GSAP: variants seen among roughly 807,000 people sequenced by gnomAD.
The protein encoded by GSAP is gamma-secretase-activating protein.
In GSAP, 118 loss-of-function variants were observed where a neutral mutation model predicts 131.7. The observed-to-expected ratio is 0.90, with a 90% confidence interval of 0.77 to 1.04. The LOEUF (loss-of-function observed/expected upper bound fraction) is 1.04, where lower values mean the gene tolerates loss of function less well. GSAP is among the 50% of genes least tolerant of loss of function. GSAP has a pLI of 0.00. For missense variants in GSAP, 1,019 were observed against 1,013.2 expected (o/e 1.01, Z -0.08); for synonymous variants, 381 against 363.4 (o/e 1.05, Z -0.55).
At chr7:77,349,710 G>A (rs1019846304) in intron 18 of GSAP, among the ~76,000 whole-genome samples, 3 of 152,128 alleles carry the variant, frequency 2.0e-5, no homozygotes, top group Non-Finnish European at 4.4e-5. Flanking sequence ...ATTAAAGAAC[G>A]AATGAGGCAA....
At position 77,312,410 on chromosome 7, in the gene GSAP, A is replaced by G. The variant is rs544736882; in HGVS notation, c.2272-208T>C. Among the ~76,000 whole-genome samples, 11 of 152,260 alleles carry G rather than the reference A, an allele frequency of 7.2e-5. No individual in the cohort carries two copies. The South Asian group carries it at 2.3e-3, about 32-fold the overall frequency. ...TACTCTCTCAAACGCTACATTGAGG[A>G]AAGTGGTTTATACACTGATGTTGCC... On this transcript the variant is annotated intron_variant, in intron 28 of 30. Transcript: ENST00000257626.
Position 77,328,594 on chromosome 7 carries a change from A to G in GSAP, c.1765+12T>C, listed in dbSNP as rs1349467568. On this transcript the variant is annotated intron_variant, in intron 22 of 30. Transcript: ENST00000257626. ...TGGAACCCAGAAGGCTTTATTACAG[A>G]TCTTTTCTTACCCAAATTTCTTGCT... The G allele has an allele frequency of 3.7e-6, 6 of 1,610,960 alleles. No individual in the cohort carries two copies. The South Asian group carries it at 4.4e-5, about 12-fold the overall frequency.
At chr7:77,324,756 GT>G (rs936037394) in intron 23 of GSAP, among the ~76,000 whole-genome samples, 23 of 138,772 alleles carry the variant, frequency 1.7e-4, no homozygotes, top group South Asian at 9.1e-4. Flanking sequence ...TAACAATTGC[GT>G]TTTTTTTTTC....
chr7:77,368,275 T>C lies in GSAP; in HGVS notation c.872-5615A>G, dbSNP rs561699110. Among the ~76,000 whole-genome samples, 7 of 152,324 alleles carry C rather than the reference T, an allele frequency of 4.6e-5. No individual in the cohort carries two copies. The East Asian group carries it at 1.2e-3, about 25-fold the overall frequency. On this transcript the variant is annotated intron_variant, in intron 12 of 30. Transcript: ENST00000257626. ...CAATGTGAACATCTGGATGATTCAG[T>C]TGAAGGCGCTGCATTTACTCGCCCC... is the stretch of plus-strand genomic sequence containing the variant.
At chr7:77,314,188 C>T (rs1361732733) in intron 27 of GSAP, among the ~76,000 whole-genome samples, 182 bp downstream of exon 27, 5 of 152,146 alleles carry the variant, frequency 3.3e-5, no homozygotes, top group African/African-American at 4.8e-5. Flanking sequence ...AAAATGAACA[C>T]GAGCAAGCCC....
intron 12 of GSAP, among the ~76,000 whole-genome samples, chr7:77,371,099 C>CA (rs145724483): frequency 0.015 from 2,231 of 152,238 alleles, 62 homozygotes; most frequent in African/African-American, 0.051. Flanking sequence ...TATTCATTGC[C>CA]AGTCTTGACC....
At chr7:77,405,290 ACT>A (rs970746355) in intron 2 of GSAP, among the ~76,000 whole-genome samples, 1 of 152,026 alleles carries the variant, frequency 6.6e-6, no homozygotes, top group African/African-American at 2.4e-5. Flanking sequence ...ACAGGGCAAG[ACT>A]CTGTTTCTAA....
At chr7:77,405,567 T>C (rs1583916689) in intron 2 of GSAP, among the ~76,000 whole-genome samples, 2 of 152,362 alleles carry the variant, frequency 1.3e-5, no homozygotes, top group East Asian at 3.9e-4. Flanking sequence ...AGACAGGGTT[T>C]CGCTCTGTCA....
intron 5 of GSAP, among the ~76,000 whole-genome samples, chr7:77,395,612 C>T (rs942538022): frequency 2.0e-5 from 3 of 152,002 alleles, no homozygotes; most frequent in African/African-American, 7.2e-5. Context: ...ATGAGCAATA[C>T]AAATGATGAG....
At chr7:77,362,884 G>A (rs1446488609) in intron 12 of GSAP, among the ~76,000 whole-genome samples, 1 of 152,314 alleles carries the variant, frequency 6.6e-6, no homozygotes, top group East Asian at 1.9e-4. Context: ...GCAGGCTATT[G>A]AAGGATAGGA....
intron 6 of GSAP, among the ~76,000 whole-genome samples, chr7:77,384,729 T>C (rs1015875032): frequency 6.6e-6 from 1 of 152,084 alleles, no homozygotes; most frequent in African/African-American, 2.4e-5. Flanking sequence ...AGACTACACA[T>C]GCAGAGTTAG....
At chr7:77,347,793 A>G (rs2150812498) in intron 19 of GSAP, among the ~76,000 whole-genome samples, 1 of 152,278 alleles carries the variant, frequency 6.6e-6, no homozygotes, top group African/African-American at 2.4e-5. Flanking sequence ...CAGTTGGTAC[A>G]TTAGGAACTG....
chr7:77,355,445 A>G lies in GSAP; in HGVS notation c.1121-15T>C. Reference sequence around the variant, plus strand: ...TTCATTATTTCCTGGCAAAAAAAAAAAAAACAGTAGATCAGCAAATAGAAG... The same window carrying G: ...TTCATTATTTCCTGGCAAAAAAAAAGAAAACAGTAGATCAGCAAATAGAAG... On this transcript the variant is annotated splice_polypyrimidine_tract_variant and intron_variant, in intron 15 of 30. Transcript: ENST00000257626. The G allele has an allele frequency of 6.3e-7, 1 of 1,577,358 alleles. No homozygotes were observed. Among genetic ancestry groups the G allele is most frequent in the Non-Finnish European group, 8.6e-7 (1 of 1,158,510 alleles).
intron 8 of GSAP, among the ~76,000 whole-genome samples, chr7:77,378,499 A>C (rs1797308274): frequency 2.6e-5 from 4 of 150,944 alleles, no homozygotes; most frequent in Admixed American, 2.6e-4. Context: ...AAATAAAAAT[A>C]AAAAACAAAA....
chr7:77,349,230 C>T, intron 19 of GSAP, 121 bp downstream of exon 19: 1 of 727,832 alleles, frequency 1.4e-6, no homozygotes, highest in South Asian at 1.6e-5. Flanking sequence ...AAAACCCACC[C>T]TACTGCCTTG....
At chr7:77,342,719 C>T (rs1791175625) in intron 19 of GSAP, among the ~76,000 whole-genome samples, 1 of 152,182 alleles carries the variant, frequency 6.6e-6, no homozygotes, top group African/African-American at 2.4e-5. Flanking sequence ...GGATTAAAGC[C>T]TGTTATCACT....
intron 19 of GSAP, among the ~76,000 whole-genome samples, chr7:77,341,623 T>A (rs1391626992): frequency 6.6e-6 from 1 of 152,192 alleles, no homozygotes; most frequent in Non-Finnish European, 1.5e-5. Flanking sequence ...TCATGGCCCA[T>A]TTGGCAACAA....
chr7:77,394,751 C>T (rs1029821327), intron 5 of GSAP, among the ~76,000 whole-genome samples: 1 of 152,234 alleles, frequency 6.6e-6, no homozygotes, highest in African/African-American at 2.4e-5. Flanking sequence ...CTTTCAGCTC[C>T]TTGCCACCAT....
chr7:77,338,864 G>A (rs1458668698), intron 19 of GSAP, among the ~76,000 whole-genome samples: 1 of 152,168 alleles, frequency 6.6e-6, no homozygotes, highest in East Asian at 1.9e-4. Flanking sequence ...TATACTAAAA[G>A]GAAGTGCTTC....
Sources: allele counts gnomAD v4.1 joint callset (sites outside exome capture counted in the v4.1 genomes callset), GRCh38; gene constraint gnomAD v4.1.1; transcripts MANE v1.5; gene names NCBI Gene and HGNC (gene_info 2026-07-23, HGNC 2026-07-21).